Variants in NALF1 observed in about 807,000 individuals in gnomAD.
NALF1 encodes the protein NALCN channel auxiliary factor 1.
In NALF1, 3 loss-of-function variants were observed where a neutral mutation model predicts 48.4. The observed-to-expected ratio is 0.06, with a 90% confidence interval of 0.03 to 0.16. The LOEUF is 0.16. Among genes scored for constraint, NALF1 ranks in the 10% least tolerant of loss-of-function variants. NALF1 has a pLI of 1.00. For missense variants in NALF1, 526 were observed against 571.5 expected, an observed-to-expected ratio of 0.92 and a Z score of 0.81; for synonymous variants, 262 against 245.7, an observed-to-expected ratio of 1.07 and a Z score of -0.62.
intron 1 of NALF1, among the ~76,000 whole-genome samples, chr13:107,513,516 T>C (rs1278549848): frequency 2.0e-5 from 3 of 151,988 alleles, no homozygotes; most frequent in Non-Finnish European, 4.4e-5. Flanking sequence ...TTTTCTGTTA[T>C]CTGAGCTAAC....
Position 107,715,909 on chromosome 13 carries a change from T to C in NALF1, c.915+149773A>G, listed in dbSNP as rs4771577. On this transcript the variant is annotated intron_variant, in intron 1 of 2. Transcript: ENST00000375915. ...AAAGGGGGATAGAATTCTTTCCTTA[T>C]AGTTACATGTGTCACTCCAGAGAGA... Among the ~76,000 whole-genome samples the C allele has an allele frequency of 0.03, 4,588 of 152,268 alleles. 473 individuals are homozygous for C. In the East Asian group the frequency reaches 0.39, roughly 13 times the overall value.
chr13:107,322,663 A>G (rs1432344479), intron 1 of NALF1, among the ~76,000 whole-genome samples: 1 of 152,172 alleles, frequency 6.6e-6, no homozygotes, highest in African/African-American at 2.4e-5. Flanking sequence ...TGGGAACCTC[A>G]GATTTTGATG....
chr13:107,214,544 C>T (rs1879833049), intron 1 of NALF1, among the ~76,000 whole-genome samples: 1 of 152,190 alleles, frequency 6.6e-6, no homozygotes, highest in African/African-American at 2.4e-5. Flanking sequence ...GACATCCACC[C>T]ACTCTTCCCC....
intron 1 of NALF1, among the ~76,000 whole-genome samples, chr13:107,333,189 T>A (rs2138926058): frequency 6.6e-6 from 1 of 152,178 alleles, no homozygotes; most frequent in Non-Finnish European, 1.5e-5. Context: ...GACACCTGAT[T>A]CAATATATAA....
At position 107,168,550 on chromosome 13, in the gene NALF1, T is replaced by G. The variant is rs1315550746; in HGVS notation, c.*1947A>C. ...GAATTTTGCATTTTTGGTGTTTTCT[T>G]TTTTTTTGTATTTGCGCAGACCATT... On this transcript the variant is annotated 3_prime_UTR_variant, in exon 3 of 3. Transcript: ENST00000375915. 3 of 111,158 alleles carry G rather than the reference T, an allele frequency of 2.7e-5. No individual in the cohort carries two copies. Among genetic ancestry groups the G allele is most frequent in the Non-Finnish European group, 5.6e-5 (3 of 53,338 alleles). 6.9% of individuals were successfully genotyped at this position (111,158 alleles called of 1,614,324 possible). A position where few individuals can be genotyped will look rare whatever the true frequency, so the allele number is the denominator to read the frequency against.
chr13:107,731,198 A>G lies in NALF1; in HGVS notation c.915+134484T>C, dbSNP rs556631210. ...AAGGAATCTTTGCACAGAAGTGTGGAAAGTATCTCATATCTTCACAAAGAG... is the reference window on the plus strand; with the variant it reads ...AAGGAATCTTTGCACAGAAGTGTGGGAAGTATCTCATATCTTCACAAAGAG... On this transcript the variant is annotated intron_variant, in intron 1 of 2. Transcript: ENST00000375915. 3.3e-5 allele frequency among the ~76,000 whole-genome samples: 5 copies of G among 152,332 alleles called. No homozygotes were observed. In the East Asian group the frequency reaches 9.6e-4, roughly 29 times the overall value.
At chr13:107,190,580 C>T (rs1566445892) in intron 2 of NALF1, among the ~76,000 whole-genome samples, 1 of 152,120 alleles carries the variant, frequency 6.6e-6, no homozygotes, top group Non-Finnish European at 1.5e-5. Flanking sequence ...AATGCTAAAA[C>T]TTAAATGAGT....
Position 107,858,571 on chromosome 13 carries a change from C to A in NALF1, c.915+7111G>T, listed in dbSNP as rs1880493303. 2.6e-5 allele frequency among the ~76,000 whole-genome samples: 4 copies of A among 152,226 alleles called. No individual in the cohort carries two copies. In the South Asian group the frequency reaches 8.3e-4, roughly 32 times the overall value. On this transcript the variant is annotated intron_variant, in intron 1 of 2. Transcript: ENST00000375915. ...TTTGTGGTGAGGCACACCTGTAATC[C>A]CAGCTACTCAGTGGGCTGAGGCATA...
At chr13:107,230,875 C>T (rs943254984) in intron 1 of NALF1, among the ~76,000 whole-genome samples, 1 of 151,836 alleles carries the variant, frequency 6.6e-6, no homozygotes, top group African/African-American at 2.4e-5. Flanking sequence ...GCTTGGGGAA[C>T]ATAGTGAGAC....
chr13:107,768,000 C>T (rs1043245475), intron 1 of NALF1, among the ~76,000 whole-genome samples: 2 of 152,102 alleles, frequency 1.3e-5, no homozygotes, highest in African/African-American at 4.8e-5. Context: ...CCTCAGAACC[C>T]GTCTATGATG....
chr13:107,754,597 T>G (rs760682631), intron 1 of NALF1, among the ~76,000 whole-genome samples: 2 of 151,844 alleles, frequency 1.3e-5, no homozygotes, highest in African/African-American at 2.4e-5. Flanking sequence ...TCTTGAGGAG[T>G]TGAATAAAAC....
chr13:107,659,984 G>A (rs1594190058), intron 1 of NALF1, among the ~76,000 whole-genome samples: 1 of 151,790 alleles, frequency 6.6e-6, no homozygotes, highest in East Asian at 2.0e-4. Flanking sequence ...GCCTGCCTTG[G>A]CCTCCCAAAG....
chr13:107,391,414 AC>A (rs1350975754), intron 1 of NALF1, among the ~76,000 whole-genome samples: 1 of 152,174 alleles, frequency 6.6e-6, no homozygotes, highest in Non-Finnish European at 1.5e-5. Context: ...ACCCCCAAAT[AC>A]ATTTCCTTGC....
intron 1 of NALF1, among the ~76,000 whole-genome samples, chr13:107,615,844 G>T (rs1432927487): frequency 2.2e-4 from 34 of 152,214 alleles, no homozygotes; most frequent in Non-Finnish European, 2.4e-4. Flanking sequence ...TATCTGCTTG[G>T]TGAAATGTGT....
rs987943291 is a variant in NALF1 at position 107,738,455 on chromosome 13, G to T, written c.915+127227C>A. Reference sequence around the variant, plus strand: ...TCACAAAATAACCCATTTTCTCCCCGTTCCCTTGTCCCCAGACACTTTCTC... The same window carrying T: ...TCACAAAATAACCCATTTTCTCCCCTTTCCCTTGTCCCCAGACACTTTCTC... On this transcript the variant is annotated intron_variant, in intron 1 of 2. Coordinates refer to ENST00000375915, the MANE Select transcript of NALF1 (RefSeq NM_001080396.3). Among the ~76,000 whole-genome samples, 5 of 152,074 alleles carry T rather than the reference G, an allele frequency of 3.3e-5. 1 individual carries two copies. Among genetic ancestry groups the T allele is most frequent in the African/African-American group, 1.2e-4 (5 of 41,494 alleles).
chr13:107,318,103 A>C (rs1882184672), intron 1 of NALF1, among the ~76,000 whole-genome samples: 1 of 152,134 alleles, frequency 6.6e-6, no homozygotes, highest in Non-Finnish European at 1.5e-5. Context: ...GAACTCTGTC[A>C]GAAAAAAGCA....
At chr13:107,438,827 C>CAAAAA (rs61686895) in intron 1 of NALF1, among the ~76,000 whole-genome samples, 467 of 17,916 alleles carry the variant, frequency 0.026, 108 homozygotes, top group African/African-American at 0.074. Context: ...GACTCCATCT[C>CAAAAA]AAAAAAAAAA....
In NALF1 at chr13:107,510,126, T is replaced by A. The variant is rs556512283; in HGVS notation, c.916-299371A>T. Among the ~76,000 whole-genome samples the A allele has an allele frequency of 2.0e-5, 3 of 152,250 alleles. No homozygotes were observed. The East Asian group carries it at 5.8e-4, about 29-fold the overall frequency. On this transcript the variant is annotated intron_variant, in intron 1 of 2. Coordinates refer to ENST00000375915, the MANE Select transcript of NALF1 (RefSeq NM_001080396.3). ...ATTTGGCTTGCAATTAATCTTATAT[T>A]TTCCTTTTATAAAATCCATATCCCG... is the stretch of plus-strand genomic sequence containing the variant.
intron 1 of NALF1, among the ~76,000 whole-genome samples, chr13:107,261,430 C>T (rs1366627068): frequency 6.6e-6 from 1 of 152,176 alleles, no homozygotes; most frequent in African/African-American, 2.4e-5. Flanking sequence ...CCTATCCCAT[C>T]AGCAATGATT....
Sources: gnomAD v4.1 joint callset for allele counts (sites outside exome capture counted in the v4.1 genomes callset) on GRCh38, gnomAD v4.1.1 for gene constraint, MANE v1.5 for transcripts, NCBI Gene and HGNC (gene_info 2026-07-23, HGNC 2026-07-21) for gene names.